PPP1R9A: variants seen among roughly 807,000 people sequenced by gnomAD.
PPP1R9A encodes protein phosphatase 1 regulatory subunit 9A.
PPP1R9A carries 59 observed loss-of-function variants against 141.9 expected under a neutral mutation model. That is an observed-to-expected ratio of 0.42 (90% CI 0.34 to 0.52). PPP1R9A has a LOEUF of 0.52. Ranked by LOEUF, PPP1R9A falls within the 20% of genes least tolerant of loss-of-function variation. PPP1R9A has a pLI of 0.10. For missense variants in PPP1R9A, 1,444 were observed against 1,611.9 expected, an observed-to-expected ratio of 0.90 and a Z score of 1.78; for synonymous variants, 500 against 569.7, an observed-to-expected ratio of 0.88 and a Z score of 1.74.
At chr7:95,279,577 A>G (rs1413068961) in intron 16 of PPP1R9A, among the ~76,000 whole-genome samples, 1 of 152,194 alleles carries the variant, frequency 6.6e-6, no homozygotes, top group East Asian at 1.9e-4. Flanking sequence ...AAGCCTGACA[A>G]ACTTACATTC....
At chr7:94,980,653 A>G (rs1236289681) in intron 2 of PPP1R9A, among the ~76,000 whole-genome samples, 3 of 150,496 alleles carry the variant, frequency 2.0e-5, no homozygotes, top group African/African-American at 4.9e-5. Flanking sequence ...AATTGATTTC[A>G]TAACCCTTAC....
intron 4 of PPP1R9A, among the ~76,000 whole-genome samples, chr7:95,140,934 G>A (rs1826561544): frequency 6.6e-6 from 1 of 152,110 alleles, no homozygotes; most frequent in Admixed American, 6.6e-5. Flanking sequence ...TGCCCAGTCT[G>A]GTCTCGAACT....
chr7:94,914,740 A>G (rs1278430756), intron 2 of PPP1R9A, among the ~76,000 whole-genome samples: 1 of 152,148 alleles, frequency 6.6e-6, no homozygotes, highest in Non-Finnish European at 1.5e-5. Context: ...GTGACATGTC[A>G]TTTTTTTCTA....
At chr7:94,932,752 C>T (rs2150850208) in intron 2 of PPP1R9A, among the ~76,000 whole-genome samples, 1 of 143,846 alleles carries the variant, frequency 7.0e-6, no homozygotes, top group South Asian at 2.3e-4. Flanking sequence ...GCATTCCAAT[C>T]TACCTGAAGC....
intron 2 of PPP1R9A, among the ~76,000 whole-genome samples, chr7:94,995,533 T>A (rs1802066713): frequency 6.6e-6 from 1 of 152,014 alleles, no homozygotes; most frequent in South Asian, 2.1e-4. Context: ...TTTTGGATAG[T>A]TTCCATTATG....
At chr7:95,014,253 T>G (rs977119932) in intron 2 of PPP1R9A, among the ~76,000 whole-genome samples, 1 of 152,088 alleles carries the variant, frequency 6.6e-6, no homozygotes, top group African/African-American at 2.4e-5. Context: ...GGCTCAGACA[T>G]TAATTACATT....
At chr7:94,916,089 G>T (rs568963426) in intron 2 of PPP1R9A, among the ~76,000 whole-genome samples, 1 of 151,774 alleles carries the variant, frequency 6.6e-6, no homozygotes, top group Non-Finnish European at 1.5e-5. Context: ...TATTTATTAC[G>T]CATCTGCTGA....
chr7:94,962,785 T>C (rs746790274), intron 2 of PPP1R9A, among the ~76,000 whole-genome samples: 14 of 152,120 alleles, frequency 9.2e-5, no homozygotes, highest in East Asian at 1.9e-4. Flanking sequence ...TACAGTGTCA[T>C]TGACTTGAGC....
At chr7:95,249,264 TA>T (rs1236928097) in intron 9 of PPP1R9A, among the ~76,000 whole-genome samples, 2 of 152,218 alleles carry the variant, frequency 1.3e-5, no homozygotes, top group Non-Finnish European at 2.9e-5. Flanking sequence ...AATTGAGGTT[TA>T]TAAAGCTTGA....
At chr7:94,992,359 C>T (rs1371621618) in intron 2 of PPP1R9A, among the ~76,000 whole-genome samples, 3 of 152,046 alleles carry the variant, frequency 2.0e-5, no homozygotes, top group Non-Finnish European at 4.4e-5. Flanking sequence ...ATGGCTGTGC[C>T]ACAATTCATT....
At position 95,161,275 on chromosome 7, in the gene PPP1R9A, A is replaced by G. The variant is rs112151330; in HGVS notation, c.1650-592A>G. 4.0e-3 allele frequency among the ~76,000 whole-genome samples: 611 copies of G among 152,216 alleles called. 4 individuals carry two copies. The highest frequency in any genetic ancestry group is 0.012 in the African/African-American group (503 of 41,536). On this transcript the variant is annotated intron_variant, in intron 4 of 19. Coordinates refer to ENST00000433360, the MANE Select transcript of PPP1R9A (RefSeq NM_001166160.2). The stretch of plus-strand genomic sequence containing the variant: ...TTTGATTTGCATTTCTCTGATGATT[A>G]GTGAAGTGGAGCATTGTTTTATGTT...
chr7:95,212,419 A>G (rs1454723015), intron 7 of PPP1R9A, among the ~76,000 whole-genome samples: 1 of 152,182 alleles, frequency 6.6e-6, no homozygotes, highest in African/African-American at 2.4e-5. Flanking sequence ...CCATTAGATC[A>G]TGTAGCCTTC....
chr7:94,908,696 A>T (rs1056541177), intron 1 of PPP1R9A: 2 of 150,974 alleles, frequency 1.3e-5, no homozygotes, highest in African/African-American at 4.9e-5. Flanking sequence ...TTGGCGGGGG[A>T]GGGAATGGGG....
chr7:95,016,778 C>G (rs528575908), intron 2 of PPP1R9A, among the ~76,000 whole-genome samples: 1 of 152,296 alleles, frequency 6.6e-6, no homozygotes, highest in South Asian at 2.1e-4. Flanking sequence ...CTTTCGTCCA[C>G]TTCATTCAGC....
chr7:95,073,416 AACTT>A (rs1172024988), intron 2 of PPP1R9A, among the ~76,000 whole-genome samples: 4 of 152,120 alleles, frequency 2.6e-5, no homozygotes, highest in African/African-American at 9.7e-5. Context: ...GTTGTTTTAG[AACTT>A]ACTTTCTTGA....
At chr7:94,994,445 T>G (rs1351840262) in intron 2 of PPP1R9A, among the ~76,000 whole-genome samples, 1 of 152,174 alleles carries the variant, frequency 6.6e-6, no homozygotes, top group Non-Finnish European at 1.5e-5. Context: ...ACTGAGTCTT[T>G]CACCATTAAG....
intron 2 of PPP1R9A, among the ~76,000 whole-genome samples, chr7:95,013,074 G>C (rs1804649107): frequency 6.6e-6 from 1 of 152,070 alleles, no homozygotes; most frequent in Non-Finnish European, 1.5e-5. Context: ...GTATGAATTG[G>C]GAAAGAGGTT....
At chr7:95,151,253 A>G (rs138926138) in intron 4 of PPP1R9A, among the ~76,000 whole-genome samples, 119 of 152,356 alleles carry the variant, frequency 7.8e-4, no homozygotes, top group African/African-American at 2.7e-3. Flanking sequence ...GGTGAATGTA[A>G]AAAGTGTGGT....
In PPP1R9A at chr7:95,288,539, C is replaced by G. The variant is rs753259036; in HGVS notation, c.3733C>G (p.Leu1245Val). ...CTACGTAACATTCCTATCTTAGATC[C>G]TTGATGATGGACAGTCTCCCAAACA... is the stretch of plus-strand genomic sequence containing the variant. Reference protein sequence around the residue: ...QSLALSSDEILDDGQSPKHSQ... With the variant: ...QSLALSSDEIVDDGQSPKHSQ... Residue 1245 changes from leucine (L) to valine (V), a missense_variant, in exon 19 of 20, where the codon CTT becomes GTT. This residue lies in a region of PPP1R9A where 459 missense variants were observed against 513.8 expected (regional missense o/e 0.89). Coordinates refer to ENST00000433360, the MANE Select transcript of PPP1R9A (RefSeq NM_001166160.2). 2 of 1,613,658 alleles carry G rather than the reference C, an allele frequency of 1.2e-6. No homozygotes were observed. The highest frequency in any genetic ancestry group is 1.7e-6 in the Non-Finnish European group (2 of 1,179,842).
Sources: allele counts gnomAD v4.1 joint callset (sites outside exome capture counted in the v4.1 genomes callset), GRCh38; gene constraint gnomAD v4.1.1; regional missense constraint gnomAD v4.1.1; transcripts MANE v1.5; gene names NCBI Gene and HGNC (gene_info 2026-07-23, HGNC 2026-07-21).